Variants in RIMKLB observed in about 807,000 individuals in gnomAD.
RIMKLB encodes the protein ribosomal modification protein rimK like family member B, also known as beta-citrylglutamate synthase B.
RIMKLB carries 7 observed loss-of-function variants against 32.0 expected under a neutral mutation model. The ratio of observed to expected loss-of-function variants is 0.22; its 90% CI spans 0.12 to 0.41. The LOEUF is 0.41. RIMKLB is among the 10% of genes least tolerant of loss of function. RIMKLB has a pLI of 1.00. For synonymous variants in RIMKLB, 172 were observed against 185.1 expected (o/e 0.93, Z 0.57); for missense variants, 289 against 498.7 (o/e 0.58, Z 4.00).
intron 1 of RIMKLB, among the ~76,000 whole-genome samples, chr12:8,686,043 T>C (rs1942561319): frequency 6.6e-6 from 1 of 152,176 alleles, no homozygotes; most frequent in Non-Finnish European, 1.5e-5. Flanking sequence ...CTTGACCTTG[T>C]GATCCGCCCA....
At chr12:8,770,679 A>G (rs191942713) in intron 5 of RIMKLB, among the ~76,000 whole-genome samples, 3 of 152,188 alleles carry the variant, frequency 2.0e-5, no homozygotes, top group Non-Finnish European at 2.9e-5. Context: ...CTCTCATTCA[A>G]CAACAATTCA....
chr12:8,723,666 TTC>T (rs1945685595), intron 2 of RIMKLB, among the ~76,000 whole-genome samples: 1 of 152,162 alleles, frequency 6.6e-6, no homozygotes, highest in East Asian at 1.9e-4. Context: ...AGATGTTTAT[TTC>T]TCTCTAGATT....
intron 7 of RIMKLB, among the ~76,000 whole-genome samples, chr12:8,782,422 TATTTAACATAAGCTGTCTAA>T (rs1164718013): frequency 6.6e-6 from 1 of 152,164 alleles, no homozygotes; most frequent in East Asian, 1.9e-4. Context: ...CACATATATA[TATTTAACATAAGCTGTCTAA>T]AATAAGTCAC....
rs1944582148 is a variant in RIMKLB, at chr12:8,713,945, T to G, written c.79T>G (p.Leu27Val). The part of the protein sequence containing the change: ...IREDYPQKEI[L>V]RALKAKCCEE... ...GGAAGACTATCCTCAAAAAGAGATT[T>G]TACGAGCATTGAAGGCCAAATGTTG... The change falls in exon 2 of 6, where the codon TTA becomes GTA. Residue 27 changes from leucine (L) to valine (V), a missense_variant. Physicochemically the swap from Leu to Val is conservative, Grantham distance 32. Coordinates refer to ENST00000535829, the MANE Select transcript of RIMKLB (RefSeq NM_001297776.2). The G allele has an allele frequency of 6.2e-7, 1 of 1,614,028 alleles. No homozygotes were observed. Among genetic ancestry groups the G allele is most frequent in the African/African-American group, 1.3e-5 (1 of 74,926 alleles).
At chr12:8,734,471 C>T (rs1946823379) in intron 2 of RIMKLB, among the ~76,000 whole-genome samples, 1 of 152,148 alleles carries the variant, frequency 6.6e-6, no homozygotes, top group Non-Finnish European at 1.5e-5. Flanking sequence ...ACTACCCTCA[C>T]CTTAATACCT....
intron 2 of RIMKLB, among the ~76,000 whole-genome samples, chr12:8,715,388 A>C (rs2136982315): frequency 6.6e-6 from 1 of 151,668 alleles, no homozygotes; most frequent in East Asian, 1.9e-4. Flanking sequence ...ACCACGCCCG[A>C]CTAATTTTTG....
chr12:8,684,707 A>G (rs1942515921), intron 1 of RIMKLB, among the ~76,000 whole-genome samples: 1 of 151,958 alleles, frequency 6.6e-6, no homozygotes, highest in Admixed American at 6.6e-5. Context: ...GCTCACTGCA[A>G]CCTCCCAGGT....
rs754746293 is a variant in RIMKLB at position 8,773,701 on chromosome 12, C to T, written c.1078C>T (p.Arg360Ter). ...TGACAGCGACCCTGAAAGCACGGAG[C>T]GAGAGCTGCTCACCAAGCTCCCAGG... is the stretch of plus-strand genomic sequence containing the variant. The part of the protein sequence containing the change: ...SVDSDPESTE[R>*]ELLTKLPGGL... The change falls in exon 6 of 6, where the codon CGA (arginine) becomes TGA (stop). Residue 360 changes from arginine (R) to a stop codon, truncating the protein, a stop_gained. Transcript: ENST00000535829. LOFTEE classifies it high-confidence loss of function. The T allele has an allele frequency of 6.2e-6, 10 of 1,614,214 alleles. No homozygotes were observed. The highest frequency in any genetic ancestry group is 3.3e-5 in the Admixed American group (2 of 60,026).
chr12:8,678,529 T>C (rs1484957927), upstream of RIMKLB, among the ~76,000 whole-genome samples: 1 of 151,968 alleles, frequency 6.6e-6, no homozygotes, highest in Non-Finnish European at 1.5e-5. Context: ...GGTTTCTCCA[T>C]GTTTGTCAGG....
intron 3 of RIMKLB, 97 bp downstream of exon 3, chr12:8,750,189 T>G (rs1030674096): frequency 1.9e-5 from 13 of 695,838 alleles, no homozygotes; most frequent in Non-Finnish European, 3.3e-5. Context: ...TATAGAAGTG[T>G]CTTTCAGTTT....
intron 5 of RIMKLB, among the ~76,000 whole-genome samples, chr12:8,761,292 GAA>G (rs1232905056): frequency 2.9e-5 from 4 of 137,062 alleles, no homozygotes; most frequent in Non-Finnish European, 4.7e-5. Context: ...AAAAAAAAAA[GAA>G]TTTGTTTTTC....
At chr12:8,732,900 A>G (rs1390393673) in intron 2 of RIMKLB, among the ~76,000 whole-genome samples, 1 of 152,040 alleles carries the variant, frequency 6.6e-6, no homozygotes, top group Non-Finnish European at 1.5e-5. Context: ...TTATTCTTCC[A>G]TTTTTAGTTG....
chr12:8,693,081 T>C (rs1259460520), upstream of RIMKLB, among the ~76,000 whole-genome samples: 2 of 152,240 alleles, frequency 1.3e-5, no homozygotes, highest in Non-Finnish European at 2.9e-5. Flanking sequence ...AGTTTCCTTG[T>C]CTTCAAACCC....
chr12:8,773,023 A>C (rs1025591364), intron 5 of RIMKLB, among the ~76,000 whole-genome samples: 13 of 152,234 alleles, frequency 8.5e-5, no homozygotes, highest in African/African-American at 2.9e-4. Context: ...TTTGCCATCT[A>C]TCAAGTGGTC....
At chr12:8,751,827 GA>G (rs971522809) in intron 3 of RIMKLB, 129 bp from the exon 4 acceptor site, 8 of 630,146 alleles carry the variant, frequency 1.3e-5, no homozygotes, top group Non-Finnish European at 2.0e-5. Flanking sequence ...CTTTCTCCAA[GA>G]AAAAAAGTTA....
chr12:8,747,057 T>A (rs763746118), intron 2 of RIMKLB, among the ~76,000 whole-genome samples: 1 of 152,282 alleles, frequency 6.6e-6, no homozygotes, highest in South Asian at 2.1e-4. Flanking sequence ...TGTATAATTG[T>A]CATCTTGGTG....
rs779438978 is a variant in RIMKLB, at chr12:8,752,050, A to G, written c.493+7A>G. 2 of 1,559,318 alleles carry G rather than the reference A, an allele frequency of 1.3e-6. No homozygotes were observed. The highest frequency in any genetic ancestry group is 2.2e-5 in the East Asian group (1 of 44,596). On this transcript the variant is annotated splice_region_variant and intron_variant, in intron 4 of 5. Coordinates refer to ENST00000535829, the MANE Select transcript of RIMKLB (RefSeq NM_001297776.2). ...AATACGCGGGGTCACAGAGGTATGTATGAGTTGTTGGTAAGGTATATAGTT... is the reference window on the plus strand; with the variant it reads ...AATACGCGGGGTCACAGAGGTATGTGTGAGTTGTTGGTAAGGTATATAGTT...
the RIMKLB span, among the ~76,000 whole-genome samples, chr12:8,673,789 G>A: frequency 6.6e-6 from 1 of 151,958 alleles, no homozygotes; most frequent in Non-Finnish European, 1.5e-5. Flanking sequence ...TAGAGATGGG[G>A]TTTCACCATG....
At chr12:8,668,829 A>G in the RIMKLB span, 14 of 152,312 alleles carry the variant, frequency 9.2e-5, 1 homozygote, top group African/African-American at 3.4e-4. Context: ...CCCTGAGCCA[A>G]AGGTACCCAG....
Sources: allele counts gnomAD v4.1 joint callset (sites outside exome capture counted in the v4.1 genomes callset), GRCh38; gene constraint gnomAD v4.1.1; transcripts MANE v1.5; gene names NCBI Gene and HGNC (gene_info 2026-07-23, HGNC 2026-07-21).